GLB1L2: variants seen among roughly 807,000 people sequenced by gnomAD.
The protein encoded by GLB1L2 is beta-galactosidase-1-like protein 2.
GLB1L2 carries 68 observed loss-of-function variants against 84.1 expected under a neutral mutation model. The ratio of observed to expected loss-of-function variants is 0.81; its 90% CI spans 0.67 to 0.99. The LOEUF is 0.99. GLB1L2 is among the 50% of genes least tolerant of loss of function. The probability of loss-of-function intolerance (pLI) is 0.00; values close to 1 mark genes in which losing one functional copy is unlikely to be tolerated. For missense variants in GLB1L2, 762 were observed against 805.6 expected (o/e 0.95, Z 0.66); for synonymous variants, 290 against 318.0 (o/e 0.91, Z 0.94).
chr11:134,349,157 A>G (rs1350273889), intron 5 of GLB1L2, among the ~76,000 whole-genome samples: 1 of 152,136 alleles, frequency 6.6e-6, no homozygotes, highest in Non-Finnish European at 1.5e-5. Flanking sequence ...CTCTGTCTCC[A>G]TGCATTTGAT....
At chr11:134,359,843 G>A (rs552775408) in intron 7 of GLB1L2, 4 of 152,482 alleles carry the variant, frequency 2.6e-5, no homozygotes, top group African/African-American at 9.6e-5. Context: ...CCTCTTTACT[G>A]TTCCTCCAAC....
rs1238532691 is a variant in GLB1L2 at position 134,332,011 on chromosome 11, T to G, written c.-51T>G. 3 of 1,320,430 alleles carry G rather than the reference T, an allele frequency of 2.3e-6. No individual in the cohort carries two copies. Among genetic ancestry groups the G allele is most frequent in the African/African-American group, 1.5e-5 (1 of 65,028 alleles). The allele number at this position is 1,320,430 out of a possible 1,614,324, so 81.8% of individuals were successfully genotyped here. A position where few individuals can be genotyped will look rare whatever the true frequency, so the allele number is the denominator to read the frequency against. On this transcript the variant is annotated 5_prime_UTR_variant, in exon 1 of 19. Transcript: ENST00000535456. ...CCGCGGCGAGGCTCCCGCGCGCGGC[T>G]GAGTGCGGACTGGAGTGGGAACCCG...
intron 15 of GLB1L2, 34 bp from the exon 16 acceptor site, chr11:134,373,687 T>C (rs368822104): frequency 4.8e-5 from 70 of 1,462,512 alleles, no homozygotes; most frequent in Admixed American, 6.9e-5. Context: ...CCCCTGCCTT[T>C]GGGCTACCCA....
At chr11:134,337,151 T>G (rs1565432504) in intron 1 of GLB1L2, among the ~76,000 whole-genome samples, 1 of 152,234 alleles carries the variant, frequency 6.6e-6, no homozygotes, top group Non-Finnish European at 1.5e-5. Flanking sequence ...GGTCAGAGCC[T>G]GGATGTGAGG....
At chr11:134,353,962 T>C (rs1198952517) in intron 5 of GLB1L2, among the ~76,000 whole-genome samples, 3 of 152,216 alleles carry the variant, frequency 2.0e-5, no homozygotes. Flanking sequence ...AGTATATAGT[T>C]GGATATCGGT....
At position 134,369,881 on chromosome 11, in the gene GLB1L2, CTCAGGT is replaced by C. The variant is rs755986894; in HGVS notation, c.1105_1108+2del. On this transcript the variant is annotated splice_donor_variant and coding_sequence_variant, in exon 11 of 19. Coordinates refer to ENST00000535456, the MANE Select transcript of GLB1L2 (RefSeq NM_001370461.1). LOFTEE classifies it high-confidence loss of function. ...AGCTTCGAGACTTCTTCGGCTCCAT[CTCAGGT>C]ACCCAGCAGACAGCAGACTCAAGTT... 1 of 1,613,422 alleles carries C rather than the reference CTCAGGT, an allele frequency of 6.2e-7. No homozygotes were observed. The highest frequency in any genetic ancestry group is 8.5e-7 in the Non-Finnish European group (1 of 1,179,376).
chr11:134,361,501 C>A (rs1307496893), intron 7 of GLB1L2: 1 of 152,332 alleles, frequency 6.6e-6, no homozygotes, highest in Non-Finnish European at 1.5e-5. Context: ...TCTGTGAATT[C>A]TCAGGGTGCC....
chr11:134,373,920 C>T, intron 16 of GLB1L2, 112 bp downstream of exon 16: 3 of 842,892 alleles, frequency 3.6e-6, no homozygotes, highest in East Asian at 4.9e-5. Context: ...GTGAACGCCT[C>T]CAGGGGCCAG....
rs1943701703 is a variant in GLB1L2, at chr11:134,356,347, A to G, written c.605A>G (p.Tyr202Cys). ...PIIAVQVENEYGSYNKDPAYM... is the reference protein window; with the variant it reads ...PIIAVQVENECGSYNKDPAYM... ...ATTGCCGTGCAGGTGGAGAATGAATATGGTTCCTATAATAAAGACCCCGCA... is the reference window on the plus strand; with the variant it reads ...ATTGCCGTGCAGGTGGAGAATGAATGTGGTTCCTATAATAAAGACCCCGCA... Residue 202 changes from tyrosine (Y) to cysteine (C), a missense_variant, in exon 6 of 19, where the codon TAT becomes TGT. Coordinates refer to ENST00000535456, the MANE Select transcript of GLB1L2 (RefSeq NM_001370461.1). 6.2e-7 allele frequency: 1 copy of G among 1,614,072 alleles called. No homozygotes were observed.
intron 1 of GLB1L2, among the ~76,000 whole-genome samples, chr11:134,332,847 G>A (rs1442184135): frequency 6.6e-6 from 1 of 152,176 alleles, no homozygotes; most frequent in Admixed American, 6.5e-5. Flanking sequence ...AGTTTTCTGG[G>A]TGCCCTAGCC....
At chr11:134,366,824 T>G (rs893204143) in intron 8 of GLB1L2, among the ~76,000 whole-genome samples, 1 of 151,724 alleles carries the variant, frequency 6.6e-6, no homozygotes, top group Non-Finnish European at 1.5e-5. Context: ...CAGCGTCTGA[T>G]TTTTCTGCTA....
At chr11:134,343,280 C>T (rs934904321) in intron 2 of GLB1L2, among the ~76,000 whole-genome samples, 1 of 152,146 alleles carries the variant, frequency 6.6e-6, no homozygotes, top group Non-Finnish European at 1.5e-5. Flanking sequence ...AGCCAGTGAA[C>T]GGAGTCTTCT....
At chr11:134,358,214 T>C (rs1591618833) in intron 6 of GLB1L2, among the ~76,000 whole-genome samples, 1 of 152,240 alleles carries the variant, frequency 6.6e-6, no homozygotes, top group South Asian at 2.1e-4. Context: ...GACACCTCTG[T>C]TGGGATTTTT....
chr11:134,356,450 CTGTGGTGTGACA>C, intron 6 of GLB1L2, 57 bp downstream of exon 6: 1 of 1,240,000 alleles, frequency 8.1e-7, no homozygotes, highest in South Asian at 1.2e-5. Flanking sequence ...GTGCTATAGG[CTGTGGTGTGACA>C]TGTGGGTCTA....
intron 5 of GLB1L2, among the ~76,000 whole-genome samples, chr11:134,347,813 A>G (rs1245056988): frequency 6.6e-6 from 1 of 152,198 alleles, no homozygotes; most frequent in Non-Finnish European, 1.5e-5. Context: ...TCCCAGTAGC[A>G]CTGCGGCTCA....
In GLB1L2 at chr11:134,375,009, T is replaced by C; in HGVS notation, c.1862T>C (p.Leu621Ser). ...VFEETMAGPALQFTETPHLGR... is the reference protein window; with the variant it reads ...VFEETMAGPASQFTETPHLGR... ...GAGGAGACGATGGCGGGCCCTGCATTACAGTTCACGGAAACCCCCCACCTG... is the reference window on the plus strand; with the variant it reads ...GAGGAGACGATGGCGGGCCCTGCATCACAGTTCACGGAAACCCCCCACCTG... The change falls in exon 19 of 19, where the codon TTA (leucine) becomes TCA (serine). Residue 621 changes from leucine (L) to serine (S), a missense_variant. Transcript: ENST00000535456. 6.2e-7 allele frequency: 1 copy of C among 1,613,876 alleles called. No homozygotes were observed. The highest frequency in any genetic ancestry group is 1.3e-5 in the African/African-American group (1 of 75,016).
rs1943943671 is a variant in GLB1L2, at chr11:134,370,902, C to T, written c.1216-106C>T. On this transcript the variant is annotated intron_variant, in intron 12 of 18. Coordinates refer to ENST00000535456, the MANE Select transcript of GLB1L2 (RefSeq NM_001370461.1). This position sits in a 1 kb window ranked among gnomAD's most constrained non-coding sequence, Gnocchi z 4.7. ...CAATGAGAAGTCAAAGTAGAAAACACCCACCAAACCTCCGCTTCCACCCCA... is the reference window on the plus strand; with the variant it reads ...CAATGAGAAGTCAAAGTAGAAAACATCCACCAAACCTCCGCTTCCACCCCA... 1 of 1,281,548 alleles carries T rather than the reference C, an allele frequency of 7.8e-7. No homozygotes were observed. The highest frequency in any genetic ancestry group is 1.1e-6 in the Non-Finnish European group (1 of 911,892). 79.4% of individuals were successfully genotyped at this position (1,281,548 alleles called of 1,614,324 possible). A position where few individuals can be genotyped will look rare whatever the true frequency, so the allele number is the denominator to read the frequency against.
rs1555089864 is a variant in GLB1L2, at chr11:134,364,368, G to GC, written c.775dup (p.Leu259ProfsTer26). 2 of 1,614,008 alleles carry GC rather than the reference G, an allele frequency of 1.2e-6. No individual in the cohort carries two copies. Among genetic ancestry groups the GC allele is most frequent in the Non-Finnish European group, 1.7e-6 (2 of 1,179,980 alleles). On this transcript the variant is annotated frameshift_variant, in exon 8 of 19. Coordinates refer to ENST00000535456, the MANE Select transcript of GLB1L2 (RefSeq NM_001370461.1). LOFTEE classifies it high-confidence loss of function. ...ACTTGCAGTCAACACACGAGCTGCAGCTACTGACCACCTTTCTCTTCAACG... is the reference window on the plus strand; with the variant it reads ...ACTTGCAGTCAACACACGAGCTGCAGCCTACTGACCACCTTTCTCTTCAACG...
Position 134,344,826 on chromosome 11 carries a change from T to C in GLB1L2, c.354-208T>C, listed in dbSNP as rs555027029. ...GAGCCCTGGGTGTCACCCTTCCTCC[T>C]CAGGCCCCCGATGGGGCTGTGCAGA... On this transcript the variant is annotated intron_variant, in intron 3 of 18. Transcript: ENST00000535456. Among the ~76,000 whole-genome samples, 5 of 152,358 alleles carry C rather than the reference T, an allele frequency of 3.3e-5. No homozygotes were observed. The East Asian group carries it at 9.6e-4, about 29-fold the overall frequency.
Sources: gnomAD v4.1 joint callset for allele counts (sites outside exome capture counted in the v4.1 genomes callset) on GRCh38, gnomAD v4.1.1 for gene constraint, Gnocchi (gnomAD v3.1) non-coding constraint, MANE v1.5 for transcripts, NCBI Gene and HGNC (gene_info 2026-07-23, HGNC 2026-07-21) for gene names.